Variants in TEAD1 observed in about 807,000 individuals in gnomAD.
TEAD1 encodes the protein TEA domain transcription factor 1, also known as transcriptional enhancer factor TEF-1.
In TEAD1, 9 loss-of-function variants were observed where a neutral mutation model predicts 54.9. That is an observed-to-expected ratio of 0.16 (90% CI 0.10 to 0.29). The LOEUF (loss-of-function observed/expected upper bound fraction) is 0.29, where lower values mean the gene tolerates loss of function less well. Among genes scored for constraint, TEAD1 ranks in the 10% least tolerant of loss-of-function variants. The pLI, the probability that TEAD1 is intolerant of heterozygous loss-of-function variation, is 1.00. For synonymous variants in TEAD1, 200 were observed against 187.8 expected, an observed-to-expected ratio of 1.07 and a Z score of -0.53; for missense variants, 387 against 535.9, an observed-to-expected ratio of 0.72 and a Z score of 2.74.
intron 2 of TEAD1, among the ~76,000 whole-genome samples, chr11:12,738,788 C>T (rs2133889271): frequency 6.6e-6 from 1 of 152,262 alleles, no homozygotes; most frequent in South Asian, 2.1e-4. Context: ...CCAGCCCCTC[C>T]CTTTTCATCA....
At chr11:12,775,052 A>T (rs892574087) in intron 3 of TEAD1, among the ~76,000 whole-genome samples, 16 of 152,228 alleles carry the variant, frequency 1.1e-4, no homozygotes, top group African/African-American at 2.4e-4. Flanking sequence ...ATCATATTTT[A>T]AAAAAGTAAT....
intron 2 of TEAD1, among the ~76,000 whole-genome samples, chr11:12,695,982 C>T (rs1943572213): frequency 6.6e-6 from 1 of 152,204 alleles, no homozygotes; most frequent in African/African-American, 2.4e-5. Context: ...ACCAGAAATA[C>T]ATTCCTATTT....
Position 12,941,010 on chromosome 11 carries a change from C to T in TEAD1, c.*3788C>T, listed in dbSNP as rs1949158047. On this transcript the variant is annotated 3_prime_UTR_variant, in exon 13 of 13. Coordinates refer to ENST00000527636, the MANE Select transcript of TEAD1 (RefSeq NM_021961.6). ...AGGGGAGGTGACATGTTTAGAGTCA[C>T]CCAGCTGGTTAGTGACAGAAAAAGC... The T allele has an allele frequency of 6.6e-6, 1 of 152,184 alleles. No homozygotes were observed. The highest frequency in any genetic ancestry group is 2.4e-5 in the African/African-American group (1 of 41,442). 9.4% of individuals were successfully genotyped at this position (152,184 alleles called of 1,614,324 possible). A position where few individuals can be genotyped will look rare whatever the true frequency, so the allele number is the denominator to read the frequency against.
intron 2 of TEAD1, among the ~76,000 whole-genome samples, chr11:12,755,315 T>C (rs958003702): frequency 1.3e-5 from 2 of 152,230 alleles, no homozygotes; most frequent in African/African-American, 4.8e-5. Context: ...CTTTTGATTT[T>C]TACTTTATGC....
chr11:12,690,376 G>A lies in TEAD1; in HGVS notation c.-55+14815G>A, dbSNP rs559779118. ...ATGAGGGTCCCAAACCAGATCAACA[G>A]GTTATATTTGGTTGCTGTGTTTCTT... is the stretch of plus-strand genomic sequence containing the variant. On this transcript the variant is annotated intron_variant, in intron 2 of 12. Coordinates refer to ENST00000527636, the MANE Select transcript of TEAD1 (RefSeq NM_021961.6). Among the ~76,000 whole-genome samples the A allele has an allele frequency of 1.4e-4, 22 of 152,266 alleles. No homozygotes were observed. The East Asian group carries it at 1.9e-3, about 13-fold the overall frequency.
chr11:12,849,585 A>G (rs867619816), intron 3 of TEAD1, among the ~76,000 whole-genome samples: 16 of 152,204 alleles, frequency 1.1e-4, no homozygotes, highest in African/African-American at 3.6e-4. Flanking sequence ...TAATGCTTGC[A>G]TAACTTACCT....
intron 3 of TEAD1, among the ~76,000 whole-genome samples, chr11:12,783,141 C>T (rs1401578297): frequency 7.2e-6 from 1 of 138,062 alleles, no homozygotes; most frequent in Non-Finnish European, 1.5e-5. Flanking sequence ...TGTGCGCGCA[C>T]TTTCTTTTTA....
chr11:12,693,828 G>T (rs1336283675), intron 2 of TEAD1, among the ~76,000 whole-genome samples: 1 of 152,204 alleles, frequency 6.6e-6, no homozygotes, highest in Non-Finnish European at 1.5e-5. Flanking sequence ...GTCAGTTCCT[G>T]AAACCACTAC....
At chr11:12,893,137 A>C (rs1019338153) in intron 9 of TEAD1, among the ~76,000 whole-genome samples, 2 of 152,192 alleles carry the variant, frequency 1.3e-5, no homozygotes, top group African/African-American at 2.4e-5. Flanking sequence ...CATGCTTCGG[A>C]ATAAGTGGTC....
At chr11:12,895,126 C>G (rs1238061278) in intron 9 of TEAD1, among the ~76,000 whole-genome samples, 6 of 152,028 alleles carry the variant, frequency 3.9e-5, no homozygotes, top group African/African-American at 1.4e-4. Context: ...CCCTAAGCAG[C>G]AAAGAACAGC....
At chr11:12,926,263 C>T (rs140954563) in intron 11 of TEAD1, among the ~76,000 whole-genome samples, 2 of 152,254 alleles carry the variant, frequency 1.3e-5, no homozygotes, top group Non-Finnish European at 2.9e-5. Context: ...GCTGCAGGCC[C>T]TCGTAGCACA....
chr11:12,792,339 A>G lies in TEAD1; in HGVS notation c.202+27905A>G, dbSNP rs1254856143. ...AATATAAAAATATCAAGAAAAGGAA[A>G]GTAAAGGGAAAATAGTAAAAAAAAA... is the stretch of plus-strand genomic sequence containing the variant. On this transcript the variant is annotated intron_variant, in intron 3 of 12. Transcript: ENST00000527636. Among the ~76,000 whole-genome samples the G allele has an allele frequency of 2.3e-4, 34 of 148,850 alleles. 1 individual carries two copies. The highest frequency in any genetic ancestry group is 1.5e-5 in the Non-Finnish European group (1 of 67,690).
At chr11:12,804,222 G>A (rs148279154) in intron 3 of TEAD1, among the ~76,000 whole-genome samples, 14 of 152,278 alleles carry the variant, frequency 9.2e-5, no homozygotes, top group African/African-American at 2.9e-4. Flanking sequence ...TGCTTTCCCA[G>A]CTTGCAAAAT....
rs1242528074 is a variant in TEAD1, at chr11:12,813,004, A to G, written c.202+48570A>G. On this transcript the variant is annotated intron_variant, in intron 3 of 12. Coordinates refer to ENST00000527636, the MANE Select transcript of TEAD1 (RefSeq NM_021961.6). ...TGTCGTGTCTGTCTGAGCAGGGAGA[A>G]TGTCCGTGAGCAGAATAGCTGGTGT... Among the ~76,000 whole-genome samples, 2 of 152,220 alleles carry G rather than the reference A, an allele frequency of 1.3e-5. 1 individual carries two copies. Among genetic ancestry groups the G allele is most frequent in the Non-Finnish European group, 2.9e-5 (2 of 68,036 alleles).
chr11:12,862,386 G>A, intron 4 of TEAD1, 72 bp downstream of exon 4: 2 of 1,429,974 alleles, frequency 1.4e-6, no homozygotes, highest in Non-Finnish European at 2.0e-6. Context: ...GCAGTGGCTG[G>A]CTATGCTTTG....
Position 12,772,928 on chromosome 11 carries a change from G to GA in TEAD1, c.202+8495dup, listed in dbSNP as rs570139147. On this transcript the variant is annotated intron_variant, in intron 3 of 12. Coordinates refer to ENST00000527636, the MANE Select transcript of TEAD1 (RefSeq NM_021961.6). ...ATACAGAACAGCTCCAACACCACAG[G>GA]ACCCGGGTTGCCCTTCTCCCTAACT... is the stretch of plus-strand genomic sequence containing the variant. Among the ~76,000 whole-genome samples the GA allele has an allele frequency of 1.6e-3, 238 of 152,206 alleles. 1 individual carries two copies. Among genetic ancestry groups the GA allele is most frequent in the Admixed American group, 3.0e-3 (46 of 15,292 alleles).
intron 2 of TEAD1, among the ~76,000 whole-genome samples, chr11:12,734,633 A>G (rs891518560): frequency 1.3e-5 from 2 of 152,184 alleles, no homozygotes; most frequent in African/African-American, 2.4e-5. Flanking sequence ...TACCTTTTCT[A>G]TGTGTAGCTA....
chr11:12,886,678 T>G (rs1429843158), intron 9 of TEAD1, among the ~76,000 whole-genome samples: 1 of 152,046 alleles, frequency 6.6e-6, no homozygotes, highest in Non-Finnish European at 1.5e-5. Flanking sequence ...TTTTTTTTTT[T>G]TGAGATGGGG....
At chr11:12,720,600 T>TG (rs1944174539) in intron 2 of TEAD1, among the ~76,000 whole-genome samples, 1 of 152,034 alleles carries the variant, frequency 6.6e-6, no homozygotes, top group Non-Finnish European at 1.5e-5. Context: ...TGTCAGAAAA[T>TG]GGTGAAGGCA....
Sources: allele counts gnomAD v4.1 joint callset (sites outside exome capture counted in the v4.1 genomes callset), GRCh38; gene constraint gnomAD v4.1.1; transcripts MANE v1.5; gene names NCBI Gene and HGNC (gene_info 2026-07-23, HGNC 2026-07-21).